Variants in LMO7 observed in about 807,000 individuals in gnomAD.
The protein encoded by LMO7 is LIM domain 7.
A neutral mutation model predicts 206.5 loss-of-function variants in LMO7; 120 were observed. The ratio of observed to expected loss-of-function variants is 0.58; its 90% confidence interval spans 0.50 to 0.68. LMO7 has a LOEUF of 0.68. Among genes scored for constraint, LMO7 ranks in the 30% least tolerant of loss-of-function variants. LMO7 has a pLI of 0.00. For synonymous variants in LMO7, 706 were observed against 681.5 expected (o/e 1.04, Z -0.56); for missense variants, 1,959 against 1,957.9 (o/e 1.00, Z -0.01).
chr13:75,834,176 AAC>A, intron 16 of LMO7, 48 bp from the exon 17 acceptor site: 1 of 1,419,726 alleles, frequency 7.0e-7, no homozygotes, highest in Admixed American at 2.0e-5. Context: ...CAACTAATAG[AAC>A]ATGTGGGATT....
chr13:75,819,375 A>C lies in LMO7; in HGVS notation c.2065-18A>C. 6 of 1,584,542 alleles carry C rather than the reference A, an allele frequency of 3.8e-6. No homozygotes were observed. Among genetic ancestry groups the C allele is most frequent in the Non-Finnish European group, 5.1e-6 (6 of 1,169,902 alleles). ...TAGAAATTCAGGTGTGCCCCTGCTG[A>C]TGTGATTTTTCTGTCAGGACCTTGC... is the stretch of plus-strand genomic sequence containing the variant. On this transcript the variant is annotated intron_variant, in intron 12 of 30. Coordinates refer to ENST00000377534, the MANE Select transcript of LMO7 (RefSeq NM_001306080.2).
chr13:75,695,637 G>T (rs920981846), intron 1 of LMO7, among the ~76,000 whole-genome samples: 12 of 152,300 alleles, frequency 7.9e-5, no homozygotes, highest in African/African-American at 2.9e-4. Context: ...GAGCTACCAC[G>T]CCTGGCCTGG....
intron 22 of LMO7, 75 bp from the exon 23 acceptor site, chr13:75,841,034 A>G (rs924741918): frequency 1.1e-5 from 10 of 910,906 alleles, no homozygotes; most frequent in African/African-American, 8.4e-5. Context: ...TAGAGATCAT[A>G]AAAGTGTTAA....
intron 3 of LMO7, among the ~76,000 whole-genome samples, chr13:75,745,384 A>G (rs974068651): frequency 6.6e-6 from 1 of 152,228 alleles, no homozygotes; most frequent in African/African-American, 2.4e-5. Context: ...TGAATTGTAC[A>G]CAAATGGGTG....
chr13:75,776,052 G>GT (rs1303529804), intron 4 of LMO7, among the ~76,000 whole-genome samples: 1 of 146,552 alleles, frequency 6.8e-6, no homozygotes, highest in Non-Finnish European at 1.5e-5. Context: ...CAGAATTAAC[G>GT]TAAGTGTCCA....
intron 2 of LMO7, among the ~76,000 whole-genome samples, chr13:75,720,583 A>G (rs2043938054): frequency 6.6e-6 from 1 of 152,192 alleles, no homozygotes; most frequent in Non-Finnish European, 1.5e-5. Context: ...TACTCAGTGA[A>G]ATCCATTAGT....
rs114757935 is a variant in LMO7, at chr13:75,703,589, A to G, written c.70-9593A>G. Reference sequence around the variant, plus strand: ...ATTCAGGCCCAAAGCAGACAGTGTAAGTGAGTGTTGGCTGACATAACTCGG... The same window carrying G: ...ATTCAGGCCCAAAGCAGACAGTGTAGGTGAGTGTTGGCTGACATAACTCGG... On this transcript the variant is annotated intron_variant, in intron 1 of 30. Transcript: ENST00000377534. Among the ~76,000 whole-genome samples, 718 of 152,262 alleles carry G rather than the reference A, an allele frequency of 4.7e-3. 8 individuals are homozygous for G. Among genetic ancestry groups the G allele is most frequent in the African/African-American group, 0.016 (674 of 41,552 alleles).
chr13:75,771,691 C>T (rs551839427), intron 4 of LMO7, among the ~76,000 whole-genome samples: 19 of 125,826 alleles, frequency 1.5e-4, no homozygotes, highest in Non-Finnish European at 2.7e-4. Context: ...CTCCTCCAAA[C>T]GTCCTTGGCT....
At position 75,840,040 on chromosome 13, in the gene LMO7, C is replaced by T. The variant is rs2059447521; in HGVS notation, c.3452-45C>T. Reference sequence around the variant, plus strand: ...AGGAATTATTTCATAGAAATGAAGACTTATATTGTATATTTTTCTTCCTTG... The same window carrying T: ...AGGAATTATTTCATAGAAATGAAGATTTATATTGTATATTTTTCTTCCTTG... On this transcript the variant is annotated intron_variant, in intron 20 of 30. Coordinates refer to ENST00000377534, the MANE Select transcript of LMO7 (RefSeq NM_001306080.2). 1.9e-6 allele frequency: 3 copies of T among 1,587,718 alleles called. No individual in the cohort carries two copies. In the African/African-American group the frequency reaches 4.0e-5, roughly 21 times the overall value.
At chr13:75,766,035 C>T (rs2048826007) in intron 4 of LMO7, among the ~76,000 whole-genome samples, 1 of 152,064 alleles carries the variant, frequency 6.6e-6, no homozygotes, top group Non-Finnish European at 1.5e-5. Context: ...GACATGAGTC[C>T]CTTCATGGGA....
chr13:75,761,330 A>G (rs1278029697), intron 4 of LMO7, among the ~76,000 whole-genome samples: 1 of 152,194 alleles, frequency 6.6e-6, no homozygotes, highest in Non-Finnish European at 1.5e-5. Flanking sequence ...TTGGTTGCTA[A>G]TGTTGAGGAT....
chr13:75,711,835 A>C (rs978413094), intron 1 of LMO7, among the ~76,000 whole-genome samples: 2 of 152,150 alleles, frequency 1.3e-5, no homozygotes, highest in Non-Finnish European at 2.9e-5. Context: ...TCTTTCGGTA[A>C]ATTCCTACCC....
intron 2 of LMO7, among the ~76,000 whole-genome samples, chr13:75,721,987 G>A (rs2044062760): frequency 6.6e-6 from 1 of 152,172 alleles, no homozygotes; most frequent in Non-Finnish European, 1.5e-5. Context: ...ATGGTGTTGG[G>A]ATAATTGGCA....
chr13:75,713,119 C>A, intron 1 of LMO7, 63 bp from the exon 2 acceptor site: 1 of 1,136,856 alleles, frequency 8.8e-7, no homozygotes, highest in Non-Finnish European at 1.3e-6. Flanking sequence ...TAATCTAATA[C>A]TGAATTGGAC....
intron 2 of LMO7, among the ~76,000 whole-genome samples, chr13:75,715,653 G>A (rs892674980): frequency 6.6e-6 from 1 of 152,148 alleles, no homozygotes; most frequent in Non-Finnish European, 1.5e-5. Context: ...TGTGAATCAC[G>A]TTGTTCATAG....
chr13:75,745,458 G>A (rs1191797369), intron 3 of LMO7, among the ~76,000 whole-genome samples: 2 of 152,154 alleles, frequency 1.3e-5, no homozygotes, highest in African/African-American at 4.8e-5. Flanking sequence ...ATCAGTGGTT[G>A]CTATGTGAAA....
chr13:75,772,812 T>G (rs1460296579), intron 4 of LMO7, among the ~76,000 whole-genome samples: 1 of 151,988 alleles, frequency 6.6e-6, no homozygotes, highest in Admixed American at 6.6e-5. Context: ...TTACAGAGAG[T>G]TAGAGTGCTT....
intron 1 of LMO7, among the ~76,000 whole-genome samples, chr13:75,676,588 A>G (rs1236675360): frequency 6.6e-6 from 1 of 152,170 alleles, no homozygotes; most frequent in Non-Finnish European, 1.5e-5. Context: ...CCACACCTGA[A>G]GATTAGTTTG....
At chr13:75,761,392 T>C (rs2139705308) in intron 4 of LMO7, among the ~76,000 whole-genome samples, 1 of 152,260 alleles carries the variant, frequency 6.6e-6, no homozygotes, top group Admixed American at 6.5e-5. Context: ...GTAACAACAA[T>C]CTTTAAATTT....
Sources: gnomAD v4.1 joint callset for allele counts (sites outside exome capture counted in the v4.1 genomes callset) on GRCh38, gnomAD v4.1.1 for gene constraint, MANE v1.5 for transcripts, NCBI Gene and HGNC (gene_info 2026-07-23, HGNC 2026-07-21) for gene names.